The following PPP2R1B variants were observed in gnomAD, a reference collection of about 807,000 sequenced individuals.
PPP2R1B encodes serine/threonine-protein phosphatase 2A 65 kDa regulatory subunit A beta isoform.
A neutral mutation model predicts 72.7 loss-of-function variants in PPP2R1B; 58 were observed. The observed-to-expected ratio is 0.80, with a 90% CI of 0.65 to 0.99. The LOEUF (loss-of-function observed/expected upper bound fraction) is 0.99. PPP2R1B is among the 50% of genes least tolerant of loss of function. The pLI is 0.00. For missense variants in PPP2R1B, 695 were observed against 733.6 expected (o/e 0.95, Z 0.61); for synonymous variants, 256 against 264.6 (o/e 0.97, Z 0.32).
At position 111,740,412 on chromosome 11, in the gene PPP2R1B, G is replaced by T; in HGVS notation, c.*1184C>A. 1.1e-6 allele frequency: 1 copy of T among 948,852 alleles called. No individual in the cohort carries two copies. Among genetic ancestry groups the T allele is most frequent in the Non-Finnish European group, 1.3e-6 (1 of 796,910 alleles). 58.8% of individuals were successfully genotyped at this position (948,852 alleles called of 1,614,324 possible). ...TTTTTGTATTTTTAGTAGAGATGGG[G>T]TTTCACCATGTTGGTCAGGCTGATC... On this transcript the variant is annotated 3_prime_UTR_variant, in exon 15 of 15. Transcript: ENST00000527614.
At chr11:111,707,793 A>G in the PPP2R1B span, among the ~76,000 whole-genome samples, 1 of 152,222 alleles carries the variant, frequency 6.6e-6, no homozygotes, top group African/African-American at 2.4e-5. Flanking sequence ...AACATGATCC[A>G]GTCAATACAA....
chr11:111,737,564 C>A (rs765991148), downstream of PPP2R1B: 6 of 1,614,202 alleles, frequency 3.7e-6, no homozygotes, highest in East Asian at 1.1e-4. Flanking sequence ...AGCCTTTGTG[C>A]CACCACTAGA....
rs921168069 is a variant in PPP2R1B at position 111,739,509 on chromosome 11, C to T, written c.*2087G>A. The T allele has an allele frequency of 1.0e-6, 1 of 985,324 alleles. No homozygotes were observed. The highest frequency in any genetic ancestry group is 1.2e-6 in the Non-Finnish European group (1 of 829,990). The allele number at this position is 985,324 out of a possible 1,614,324, so 61.0% of individuals were successfully genotyped here. On this transcript the variant is annotated 3_prime_UTR_variant, in exon 15 of 15. Transcript: ENST00000527614. ...GTCACCACAAAAGACAGAGGCCCCG[C>T]TGAACCCCCGACCCATGCTTGAGAA...
In PPP2R1B at chr11:111,743,572, T is replaced by C. The variant is rs779869419; in HGVS notation, c.1400-42A>G. ...AAACATGTTCTCATATCGCTTATTG[T>C]TTTTTAAGCATAACCTAGTTTACTT... On this transcript the variant is annotated intron_variant, in intron 11 of 14. Transcript: ENST00000527614. The C allele has an allele frequency of 1.9e-6, 3 of 1,572,762 alleles. No individual in the cohort carries two copies. In the South Asian group the frequency reaches 3.5e-5, roughly 19 times the overall value.
Position 111,752,150 on chromosome 11 carries a change from C to A in PPP2R1B, c.1338+9G>T. 6.2e-7 allele frequency: 1 copy of A among 1,601,272 alleles called. No homozygotes were observed. Among genetic ancestry groups the A allele is most frequent in the Non-Finnish European group, 8.5e-7 (1 of 1,174,432 alleles). On this transcript the variant is annotated intron_variant, in intron 10 of 14. Transcript: ENST00000527614. ...CTACCCTGCAGTTCATGGAGCAACA[C>A]ATACTCACCAGCTGGCCTGCCAGCA...
At position 111,742,084 on chromosome 11, in the gene PPP2R1B, A is replaced by C. The variant is rs143440908; in HGVS notation, c.1758T>G (p.Asp586Glu). 6.2e-6 allele frequency: 10 copies of C among 1,613,958 alleles called. No homozygotes were observed. In the East Asian group the frequency reaches 2.0e-4, roughly 32 times the overall value. Residue 586 changes from aspartate to glutamate, a missense_variant, in exon 14 of 15, where the codon GAT becomes GAG. Physicochemically the swap from Asp to Glu is conservative, Grantham distance 45. Transcript: ENST00000527614. ...LQKLGQDEDM[D>E]VKYFAQEAIS... is the part of the protein sequence containing the mutation. ...TAGCTTCCTGTGCAAAGTATTTGAC[A>C]TCCATGTCTTCATCTTGACCTAACT...
At chr11:111,698,662 G>A in the PPP2R1B span, among the ~76,000 whole-genome samples, 1 of 152,158 alleles carries the variant, frequency 6.6e-6, no homozygotes, top group Non-Finnish European at 1.5e-5. Context: ...AGTGAGCTGA[G>A]ATCGTGCCAT....
intron 13 of PPP2R1B, 172 bp from the exon 14 acceptor site, chr11:111,742,316 T>G: frequency 3.3e-6 from 2 of 614,574 alleles, no homozygotes; most frequent in South Asian, 4.4e-5. Flanking sequence ...AAAATCAGCT[T>G]CAGACAAGGA....
chr11:111,747,357 A>G (rs1434845426), intron 11 of PPP2R1B, among the ~76,000 whole-genome samples: 6 of 152,158 alleles, frequency 3.9e-5, no homozygotes, highest in South Asian at 2.1e-4. Context: ...CTGCTGTCCT[A>G]TCTGACCTGC....
At position 111,766,386 on chromosome 11, in the gene PPP2R1B, C is replaced by T; in HGVS notation, c.-25G>A. 2.4e-6 allele frequency: 1 copy of T among 414,860 alleles called. No individual in the cohort carries two copies. Among genetic ancestry groups the T allele is most frequent in the Non-Finnish European group, 3.7e-6 (1 of 270,132 alleles). 25.7% of individuals were successfully genotyped at this position (414,860 alleles called of 1,614,324 possible). A position where few individuals can be genotyped will look rare whatever the true frequency, so the allele number is the denominator to read the frequency against. On this transcript the variant is annotated 5_prime_UTR_variant, in exon 1 of 15. Coordinates refer to ENST00000527614, the MANE Select transcript of PPP2R1B (RefSeq NM_002716.5). Reference sequence around the variant, plus strand: ...TGTTCTTTCTCCTCCTGCTGCTGGTCACCGCCTCCCGCCCCGCGCCCAGGC... The same window carrying T: ...TGTTCTTTCTCCTCCTGCTGCTGGTTACCGCCTCCCGCCCCGCGCCCAGGC...
intron 5 of PPP2R1B, among the ~76,000 whole-genome samples, chr11:111,756,337 A>G (rs1348450140): frequency 6.6e-6 from 1 of 152,094 alleles, no homozygotes; most frequent in Non-Finnish European, 1.5e-5. Flanking sequence ...CTTGGCTAGA[A>G]TGCAGAGTTT....
At chr11:111,690,031 A>G in the PPP2R1B span, among the ~76,000 whole-genome samples, 3 of 152,104 alleles carry the variant, frequency 2.0e-5, no homozygotes, top group Admixed American at 2.0e-4. Context: ...ATAAAGATTT[A>G]TATCAATTTG....
chr11:111,752,791 G>A (rs553113629), intron 9 of PPP2R1B, among the ~76,000 whole-genome samples: 47 of 152,198 alleles, frequency 3.1e-4, no homozygotes, highest in African/African-American at 9.4e-4. Flanking sequence ...GTGAAACCCC[G>A]TCTCTACTAA....
downstream of PPP2R1B, among the ~76,000 whole-genome samples, chr11:111,734,836 G>A (rs544337930): frequency 5.3e-5 from 8 of 152,188 alleles, no homozygotes; most frequent in Non-Finnish European, 1.0e-4. Flanking sequence ...CCAGGGCAGC[G>A]CGAAGGCCCT....
intron 5 of PPP2R1B, among the ~76,000 whole-genome samples, chr11:111,758,858 A>T: frequency 6.6e-6 from 1 of 152,302 alleles, no homozygotes; most frequent in South Asian, 2.1e-4. Context: ...ATTAGAATAA[A>T]AATTCTAATA....
chr11:111,689,060 C>T, the PPP2R1B span, among the ~76,000 whole-genome samples: 108 of 152,238 alleles, frequency 7.1e-4, no homozygotes, highest in Non-Finnish European at 1.3e-3. Flanking sequence ...GTTAGAGAAG[C>T]TTGTCAGGAA....
the PPP2R1B span, among the ~76,000 whole-genome samples, chr11:111,695,419 TA>T: frequency 6.6e-6 from 1 of 151,918 alleles, no homozygotes; most frequent in Admixed American, 6.6e-5. Flanking sequence ...TTTCCTGTTT[TA>T]AAAAAAAGGA....
At chr11:111,712,759 T>C in the PPP2R1B span, among the ~76,000 whole-genome samples, 2 of 152,238 alleles carry the variant, frequency 1.3e-5, no homozygotes, top group Non-Finnish European at 2.9e-5. Flanking sequence ...AATTGGGCTT[T>C]ATTTGATTAC....
At chr11:111,763,538 C>G (rs1186718602) in intron 3 of PPP2R1B, among the ~76,000 whole-genome samples, 5 of 152,184 alleles carry the variant, frequency 3.3e-5, no homozygotes, top group African/African-American at 7.2e-5. Flanking sequence ...GGAAAGATGA[C>G]AGTCTGGACT....
Sources: gnomAD v4.1 joint callset for allele counts (sites outside exome capture counted in the v4.1 genomes callset) on GRCh38, gnomAD v4.1.1 for gene constraint, MANE v1.5 for transcripts, NCBI Gene and HGNC (gene_info 2026-07-23, HGNC 2026-07-21) for gene names.